Variants in RB1 observed in about 807,000 individuals in gnomAD.
RB1 encodes RB transcriptional corepressor 1.
Under a neutral mutation model 135.4 loss-of-function variants are expected in RB1, and 18 were observed. The ratio of observed to expected loss-of-function variants is 0.13; its 90% CI spans 0.09 to 0.20. RB1 has a LOEUF of 0.20. RB1 is among the 10% of genes least tolerant of loss of function. RB1 has a pLI of 1.00. For missense variants in RB1, 868 were observed against 1,110.0 expected (o/e 0.78, Z 3.10); for synonymous variants, 365 against 373.2 (o/e 0.98, Z 0.25).
chr13:48,458,980 A>T (rs772725835), intron 19 of RB1, among the ~76,000 whole-genome samples: 1 of 152,160 alleles, frequency 6.6e-6, no homozygotes, highest in Non-Finnish European at 1.5e-5. Flanking sequence ...GACACTGGCA[A>T]TTATATAATT....
intron 17 of RB1, among the ~76,000 whole-genome samples, chr13:48,423,359 C>T (rs1303064070): frequency 6.6e-6 from 1 of 152,018 alleles, no homozygotes; most frequent in Non-Finnish European, 1.5e-5. Flanking sequence ...ACTGCAACCT[C>T]CGCAGGTTGG....
At chr13:48,381,149 C>G in intron 16 of RB1, 98 bp from the exon 17 acceptor site, 5 of 1,463,904 alleles carry the variant, frequency 3.4e-6, no homozygotes, top group Non-Finnish European at 4.5e-6. Flanking sequence ...ATGGTTTAAC[C>G]TTTCTACTGT....
chr13:48,399,879 A>C (rs1430254400), intron 17 of RB1, among the ~76,000 whole-genome samples: 1 of 152,036 alleles, frequency 6.6e-6, no homozygotes, highest in Non-Finnish European at 1.5e-5. Context: ...ACACTCTGAC[A>C]TATGAAAAAA....
intron 20 of RB1, among the ~76,000 whole-genome samples, 166 bp from the exon 21 acceptor site, chr13:48,463,565 G>A (rs1432289881): frequency 9.2e-5 from 14 of 152,106 alleles, no homozygotes; most frequent in Admixed American, 9.2e-4. Context: ...AACACACTTT[G>A]GGTTAAACAC....
intron 17 of RB1, among the ~76,000 whole-genome samples, chr13:48,434,543 C>T (rs577809012): frequency 1.1e-4 from 17 of 152,162 alleles, no homozygotes; most frequent in African/African-American, 4.1e-4. Flanking sequence ...CAAAAAACAC[C>T]CTGGCCCAGG....
chr13:48,408,042 A>G (rs968581697), intron 17 of RB1, among the ~76,000 whole-genome samples: 4 of 152,150 alleles, frequency 2.6e-5, no homozygotes, highest in African/African-American at 4.8e-5. Flanking sequence ...CTTGATAACT[A>G]TGTACCATTC....
chr13:48,391,094 T>TTTG (rs1948607271), intron 17 of RB1, among the ~76,000 whole-genome samples: 1 of 152,216 alleles, frequency 6.6e-6, no homozygotes, highest in Non-Finnish European at 1.5e-5. Context: ...TTTTATCTTC[T>TTTG]TTGTAGGCTT....
chr13:48,362,967 C>G lies in RB1; in HGVS notation c.861+10C>G, dbSNP rs750481073. 1.4e-5 allele frequency: 22 copies of G among 1,609,634 alleles called. No homozygotes were observed. In the Middle Eastern group the frequency reaches 3.5e-3, roughly 254 times the overall value. The stretch of plus-strand genomic sequence containing the variant: ...ATGTAATATAGATGAGGTAATTTAA[C>G]TTCATGATTTCTTTAAAACAGTTAA... On this transcript the variant is annotated intron_variant, in intron 8 of 26. Coordinates refer to ENST00000267163, the MANE Select transcript of RB1 (RefSeq NM_000321.3).
chr13:48,307,514 C>G, intron 2 of RB1, 108 bp downstream of exon 2: 1 of 1,182,074 alleles, frequency 8.5e-7, no homozygotes, highest in South Asian at 1.4e-5. Flanking sequence ...ACAATAAAAG[C>G]TAATAATAAT....
intron 21 of RB1, 40 bp from the exon 22 acceptor site, chr13:48,464,958 C>CAT: frequency 1.2e-6 from 1 of 831,616 alleles, no homozygotes; most frequent in Non-Finnish European, 1.6e-6. Flanking sequence ...GTAAATTTTA[C>CAT]TTTTTTTTTT....
chr13:48,446,104 C>G (rs1449279777), intron 17 of RB1, among the ~76,000 whole-genome samples: 2 of 152,028 alleles, frequency 1.3e-5, no homozygotes, highest in Non-Finnish European at 2.9e-5. Context: ...ATTATAGGTG[C>G]GTGCCACCAT....
At chr13:48,317,582 G>T in intron 2 of RB1, 1 of 434,434 alleles carries the variant, frequency 2.3e-6, no homozygotes, top group Non-Finnish European at 4.1e-6. Context: ...CTGGCAGCAT[G>T]CTCGGCCCCT....
chr13:48,333,968 G>A (rs1952361159), intron 2 of RB1, among the ~76,000 whole-genome samples: 1 of 152,100 alleles, frequency 6.6e-6, no homozygotes, highest in African/African-American at 2.4e-5. Context: ...ACAGGTTTAT[G>A]AACTGAGTTC....
At chr13:48,356,434 T>C (rs1952592163) in intron 6 of RB1, among the ~76,000 whole-genome samples, 1 of 152,032 alleles carries the variant, frequency 6.6e-6, no homozygotes, top group Non-Finnish European at 1.5e-5. Context: ...TAAGTGATAT[T>C]ATTTCTAAAA....
Position 48,400,270 on chromosome 13 carries a change from T to A in RB1, c.1695+18827T>A, listed in dbSNP as rs1205619104. On this transcript the variant is annotated intron_variant, in intron 17 of 26. Transcript: ENST00000267163. ...AGGTACTGTTAAAAGTGCTTCAGTG[T>A]ATTAACTCATAACTTCTCACAACTC... Among the ~76,000 whole-genome samples, 8 of 152,114 alleles carry A rather than the reference T, an allele frequency of 5.3e-5. No individual in the cohort carries two copies. The South Asian group carries it at 1.4e-3, about 28-fold the overall frequency.
Position 48,319,377 on chromosome 13 carries a change from GCCT to G in RB1, c.264+11976_264+11978del, listed in dbSNP as rs1262392087. On this transcript the variant is annotated intron_variant, in intron 2 of 26. Coordinates refer to ENST00000267163, the MANE Select transcript of RB1 (RefSeq NM_000321.3). The surrounding 1 kb of genome is among the most constrained non-coding windows in gnomAD (Gnocchi z 5.0). ...TTGCCGCAGCTAGTACACCTGGATG[GCCT>G]CCTCAGTGCCGTCGTTGCTGCTGGA... is the stretch of plus-strand genomic sequence containing the variant. 1 of 453,326 alleles carries G rather than the reference GCCT, an allele frequency of 2.2e-6. No homozygotes were observed. The highest frequency in any genetic ancestry group is 4.1e-6 in the Non-Finnish European group (1 of 243,446). 28.1% of individuals were successfully genotyped at this position (453,326 alleles called of 1,614,324 possible).
rs745324976 is a variant in RB1 at position 48,307,301 on chromosome 13, A to G, written c.159A>G (p.Glu53=). 1.9e-6 allele frequency: 3 copies of G among 1,608,808 alleles called. No individual in the cohort carries two copies. Among genetic ancestry groups the G allele is most frequent in the Non-Finnish European group, 2.6e-6 (3 of 1,175,346 alleles). The part of the protein sequence containing the change: ...PLVRLEFEET[E]EPDFTALCQK... ...GTAGGCTTGAGTTTGAAGAAACAGA[A>G]GAACCTGATTTTACTGCATTATGTC... The change falls in exon 2 of 27, where the codon GAA becomes GAG. Residue 53 remains glutamate, a synonymous_variant. Coordinates refer to ENST00000267163, the MANE Select transcript of RB1 (RefSeq NM_000321.3).
In RB1 at chr13:48,392,168, T is replaced by C. The variant is rs952119418; in HGVS notation, c.1695+10725T>C. Among the ~76,000 whole-genome samples, 23 of 152,154 alleles carry C rather than the reference T, an allele frequency of 1.5e-4. No individual in the cohort carries two copies. In the East Asian group the frequency reaches 4.1e-3, roughly 27 times the overall value. On this transcript the variant is annotated intron_variant, in intron 17 of 26. Coordinates refer to ENST00000267163, the MANE Select transcript of RB1 (RefSeq NM_000321.3). ...CTCTTTTGCCCAGGCTGGAGTGCAG[T>C]GGCATGATCCCAGCTCACTGCAACC... is the stretch of plus-strand genomic sequence containing the variant.
chr13:48,473,422 T>A, intron 24 of RB1, 32 bp downstream of exon 24: 1 of 1,503,020 alleles, frequency 6.7e-7, no homozygotes, highest in Non-Finnish European at 9.2e-7. Flanking sequence ...AATATAATAG[T>A]ATGCATTGTA....
Sources: gnomAD v4.1 joint callset for allele counts (sites outside exome capture counted in the v4.1 genomes callset) on GRCh38, gnomAD v4.1.1 for gene constraint, Gnocchi (gnomAD v3.1) non-coding constraint, MANE v1.5 for transcripts, NCBI Gene and HGNC (gene_info 2026-07-23, HGNC 2026-07-21) for gene names.